The following CTCF variants were observed in gnomAD, a reference collection of about 807,000 sequenced individuals.
CTCF encodes the protein transcriptional repressor CTCF.
A neutral mutation model predicts 72.3 loss-of-function variants in CTCF; 7 were observed. That is an observed-to-expected ratio of 0.10 (90% CI 0.06 to 0.18). CTCF has a LOEUF of 0.18. CTCF is among the 10% of genes least tolerant of loss of function. The pLI is 1.00. For missense variants in CTCF, 516 were observed against 949.1 expected, an observed-to-expected ratio of 0.54 and a Z score of 6.00; for synonymous variants, 374 against 315.8, an observed-to-expected ratio of 1.18 and a Z score of -1.95.
chr16:67,611,725 TG>T, intron 3 of CTCF, 112 bp downstream of exon 3: 1 of 1,117,134 alleles, frequency 9.0e-7, no homozygotes, highest in Non-Finnish European at 1.3e-6. Context: ...GGTCGTTATG[TG>T]GGTACCGTTC....
intron 2 of CTCF, among the ~76,000 whole-genome samples, chr16:67,579,624 C>G (rs1392440990): frequency 6.6e-6 from 1 of 152,080 alleles, no homozygotes; most frequent in Non-Finnish European, 1.5e-5. Context: ...CTCCCAATTG[C>G]CCTGGCCTCC....
intron 2 of CTCF, among the ~76,000 whole-genome samples, chr16:67,600,677 A>G (rs1407237261): frequency 1.3e-5 from 2 of 152,128 alleles, no homozygotes; most frequent in East Asian, 3.8e-4. Context: ...ACCTAGTCAT[A>G]AGGACAGATT....
chr16:67,639,149 C>G lies in CTCF; in HGVS notation c.*1277C>G, dbSNP rs1193200952. Reference sequence around the variant, plus strand: ...GGGAGGAGGATCTACTGCTGTACAGCTAATAAATCATAACGGATTAACAAG... The same window carrying G: ...GGGAGGAGGATCTACTGCTGTACAGGTAATAAATCATAACGGATTAACAAG... On this transcript the variant is annotated 3_prime_UTR_variant, in exon 12 of 12. Transcript: ENST00000264010. The G allele has an allele frequency of 5.2e-6, 1 of 191,460 alleles. No individual in the cohort carries two copies. Among genetic ancestry groups the G allele is most frequent in the African/African-American group, 2.3e-5 (1 of 42,978 alleles). 11.9% of individuals were successfully genotyped at this position (191,460 alleles called of 1,614,324 possible).
intron 2 of CTCF, among the ~76,000 whole-genome samples, chr16:67,578,419 A>G (rs568203550): frequency 2.9e-5 from 4 of 137,402 alleles, no homozygotes; most frequent in East Asian, 4.2e-4. Context: ...TGCAACCTCT[A>G]CCTCCTGAGT....
rs1377322629 is a variant in CTCF at position 67,624,103 on chromosome 16, GTGTGTGTGTGTGTA to G, written c.1358-2442_1358-2429del. Among the ~76,000 whole-genome samples, 12 of 133,208 alleles carry G rather than the reference GTGTGTGTGTGTGTA, an allele frequency of 9.0e-5. No homozygotes were observed. The East Asian group carries it at 9.9e-4, about 11-fold the overall frequency. 87.4% of individuals were successfully genotyped at this position (133,208 alleles called of 152,430 possible). Reference sequence around the variant, plus strand: ...TGTGTGTGTGTGTGTGTGTGTGTGTGTGTGTGTGTGTGTATGTGTGTGTATATATATGTGTGTGT... The same window carrying G: ...TGTGTGTGTGTGTGTGTGTGTGTGTGTGTGTGTGTATATATATGTGTGTGT... On this transcript the variant is annotated intron_variant, in intron 7 of 11. Coordinates refer to ENST00000264010, the MANE Select transcript of CTCF (RefSeq NM_006565.4).
chr16:67,597,033 GTTTGT>G (rs1300775750), intron 2 of CTCF, among the ~76,000 whole-genome samples: 1 of 151,774 alleles, frequency 6.6e-6, no homozygotes, highest in Non-Finnish European at 1.5e-5. Flanking sequence ...GTGTGTTTTT[GTTTGT>G]TTTGTTTCAT....
At chr16:67,598,018 C>A (rs992989201) in intron 2 of CTCF, among the ~76,000 whole-genome samples, 1 of 151,902 alleles carries the variant, frequency 6.6e-6, no homozygotes, top group Non-Finnish European at 1.5e-5. Context: ...ACTTTATTGC[C>A]CAGGCCAGAG....
At chr16:67,599,066 T>C (rs953690547) in intron 2 of CTCF, among the ~76,000 whole-genome samples, 1 of 152,122 alleles carries the variant, frequency 6.6e-6, no homozygotes, top group African/African-American at 2.4e-5. Context: ...TTAAGCAACA[T>C]AGAGCTAGCT....
At chr16:67,575,056 A>G (rs1184375375) in intron 2 of CTCF, among the ~76,000 whole-genome samples, 2 of 152,060 alleles carry the variant, frequency 1.3e-5, no homozygotes, top group South Asian at 2.1e-4. Context: ...CATTTTTTCC[A>G]TATGTCCTTG....
chr16:67,630,104 G>A (rs2052345056), intron 10 of CTCF, among the ~76,000 whole-genome samples: 1 of 151,902 alleles, frequency 6.6e-6, no homozygotes, highest in African/African-American at 2.4e-5. Context: ...GTAATCTTGA[G>A]TTAAAGCAAA....
At chr16:67,605,999 C>T (rs1332177166) in intron 2 of CTCF, among the ~76,000 whole-genome samples, 1 of 152,176 alleles carries the variant, frequency 6.6e-6, no homozygotes, top group Non-Finnish European at 1.5e-5. Context: ...AGTAGAGACA[C>T]ACTTTTTGAG....
chr16:67,573,715 A>C (rs760215532), intron 2 of CTCF, among the ~76,000 whole-genome samples: 4 of 151,812 alleles, frequency 2.6e-5, no homozygotes, highest in African/African-American at 4.8e-5. Flanking sequence ...TTGCTTTCAC[A>C]TAACAACCAC....
intron 1 of CTCF, among the ~76,000 whole-genome samples, chr16:67,569,166 G>A (rs1026831947): frequency 2.0e-5 from 3 of 149,892 alleles, no homozygotes; most frequent in African/African-American, 7.4e-5. Flanking sequence ...TTCAAATTTA[G>A]CTCTTTATTT....
chr16:67,590,617 G>A (rs7189285), intron 2 of CTCF, among the ~76,000 whole-genome samples: 6,656 of 151,664 alleles, frequency 0.044, 483 homozygotes, highest in African/African-American at 0.15. Flanking sequence ...GATTACAGGC[G>A]TGAGCCACCG....
intron 10 of CTCF, among the ~76,000 whole-genome samples, chr16:67,634,909 G>T (rs1286500437): frequency 6.6e-6 from 1 of 151,848 alleles, no homozygotes; most frequent in Non-Finnish European, 1.5e-5. Flanking sequence ...TACCATGTTG[G>T]CCAGGCTTGT....
At chr16:67,618,922 T>A (rs981346501) in intron 5 of CTCF, among the ~76,000 whole-genome samples, 1 of 152,150 alleles carries the variant, frequency 6.6e-6, no homozygotes, top group Admixed American at 6.6e-5. Flanking sequence ...CTAAGAAAAA[T>A]TTGAAAATAG....
chr16:67,616,650 G>A (rs2052135354), intron 4 of CTCF, 95 bp from the exon 5 acceptor site: 1 of 1,413,422 alleles, frequency 7.1e-7, no homozygotes, highest in Admixed American at 1.8e-5. Context: ...GATGAATAGG[G>A]TTCCAGTCTC....
chr16:67,616,851 T>C lies in CTCF; in HGVS notation c.1059T>C (p.Cys353=). 1.9e-6 allele frequency: 3 copies of C among 1,614,142 alleles called. No homozygotes were observed. Among genetic ancestry groups the C allele is most frequent in the Non-Finnish European group, 2.5e-6 (3 of 1,180,024 alleles). The change falls in exon 5 of 12, where the codon TGT becomes TGC. Residue 353 remains cysteine (C), a synonymous_variant. Coordinates refer to ENST00000264010, the MANE Select transcript of CTCF (RefSeq NM_006565.4). ...YKHTHEKPFK[C]SMCDYASVEV... Reference sequence around the variant, plus strand: ...ACACCCACGAGAAGCCATTCAAGTGTTCCATGTGCGATTACGCCAGTGTAG... The same window carrying C: ...ACACCCACGAGAAGCCATTCAAGTGCTCCATGTGCGATTACGCCAGTGTAG...
chr16:67,634,797 G>A (rs1329677676), intron 10 of CTCF, among the ~76,000 whole-genome samples: 1 of 150,820 alleles, frequency 6.6e-6, no homozygotes, highest in African/African-American at 2.4e-5. Flanking sequence ...TCCACCTCTC[G>A]GGTTCAAGCA....
Sources: gnomAD v4.1 joint callset for allele counts (sites outside exome capture counted in the v4.1 genomes callset) on GRCh38, gnomAD v4.1.1 for gene constraint, MANE v1.5 for transcripts, NCBI Gene and HGNC (gene_info 2026-07-23, HGNC 2026-07-21) for gene names.